The following ANO3 variants were observed in gnomAD, a reference collection of about 807,000 sequenced individuals.
ANO3 encodes anoctamin-3.
ANO3 carries 99 observed loss-of-function variants against 144.8 expected under a neutral mutation model. That is an observed-to-expected ratio of 0.68 (90% CI 0.58 to 0.81). The LOEUF (loss-of-function observed/expected upper bound fraction) is 0.81, where lower values mean the gene tolerates loss of function less well. Ranked by LOEUF, ANO3 falls within the 30% of genes least tolerant of loss-of-function variation. The pLI, the probability that ANO3 is intolerant of heterozygous loss-of-function variation, is 0.00. For synonymous variants in ANO3, 414 were observed against 392.6 expected (o/e 1.05, Z -0.64); for missense variants, 905 against 1,202.2 (o/e 0.75, Z 3.66).
intron 14 of ANO3, chr11:26,563,193 A>G (rs755230696): frequency 6.2e-7 from 1 of 1,612,636 alleles, no homozygotes; most frequent in Non-Finnish European, 8.5e-7. Context: ...CAAGTAGCCC[A>G]CAAGAGTAAG....
At chr11:26,302,757 T>G (rs1854266024) in intron 1 of ANO3, among the ~76,000 whole-genome samples, 1 of 152,196 alleles carries the variant, frequency 6.6e-6, no homozygotes, top group Admixed American at 6.5e-5. Context: ...ATTTTCAGCT[T>G]TTGTATGGAC....
intron 1 of ANO3, among the ~76,000 whole-genome samples, chr11:26,286,882 C>A (rs1853820110): frequency 6.6e-6 from 1 of 152,176 alleles, no homozygotes; most frequent in South Asian, 2.1e-4. Flanking sequence ...AGCTTTGCAC[C>A]AGAACCTTCT....
At chr11:26,457,245 A>G (rs952479274) in intron 3 of ANO3, among the ~76,000 whole-genome samples, 1 of 20,426 alleles carries the variant, frequency 4.9e-5, no homozygotes, top group Non-Finnish European at 1.6e-4. Context: ...AAATAAAAAA[A>G]AAACCTGCAC....
chr11:26,590,152 A>C (rs1414838073), intron 14 of ANO3, among the ~76,000 whole-genome samples: 2 of 152,194 alleles, frequency 1.3e-5, no homozygotes, highest in Non-Finnish European at 2.9e-5. Context: ...CAAACAAACA[A>C]ACCCAGATGT....
At chr11:26,469,675 T>A (rs970714109) in intron 4 of ANO3, among the ~76,000 whole-genome samples, 4 of 151,938 alleles carry the variant, frequency 2.6e-5, no homozygotes, top group Non-Finnish European at 5.9e-5. Context: ...AATATATCAG[T>A]GTCAAAATTC....
At chr11:26,406,538 T>C (rs1857281445) in intron 1 of ANO3, among the ~76,000 whole-genome samples, 1 of 151,844 alleles carries the variant, frequency 6.6e-6, no homozygotes, top group Non-Finnish European at 1.5e-5. Context: ...TTAGAAAGTT[T>C]GCAGTTCATA....
intron 14 of ANO3, chr11:26,563,255 A>G (rs762393522): frequency 6.3e-7 from 1 of 1,597,926 alleles, no homozygotes; most frequent in Non-Finnish European, 8.5e-7. Context: ...CTATTCCTGT[A>G]TTTCTATTTT....
chr11:26,438,007 A>G (rs1858354764), intron 1 of ANO3, among the ~76,000 whole-genome samples: 3 of 152,020 alleles, frequency 2.0e-5, no homozygotes, highest in South Asian at 2.1e-4. Flanking sequence ...AAAATTATAT[A>G]AACTTTGAAA....
intron 1 of ANO3, among the ~76,000 whole-genome samples, chr11:26,295,996 G>A (rs757455977): frequency 6.6e-6 from 1 of 152,188 alleles, no homozygotes; most frequent in African/African-American, 2.4e-5. Flanking sequence ...ACTGAAGAGG[G>A]GAATGGTTGC....
chr11:26,556,829 C>T (rs1850095289), intron 13 of ANO3, among the ~76,000 whole-genome samples: 1 of 152,096 alleles, frequency 6.6e-6, no homozygotes, highest in African/African-American at 2.4e-5. Context: ...AATAGCTCTG[C>T]ATACATGGTT....
In ANO3 at chr11:26,478,033, G is replaced by A. The variant is rs74918421; in HGVS notation, c.432+14885G>A. Among the ~76,000 whole-genome samples, 1,340 of 152,258 alleles carry A rather than the reference G, an allele frequency of 8.8e-3. 18 individuals carry two copies. Among genetic ancestry groups the A allele is most frequent in the African/African-American group, 0.03 (1,253 of 41,558 alleles). The stretch of plus-strand genomic sequence containing the variant: ...CTGAATACTGTTTAGCTATTTAAAA[G>A]TGCAGTGAAACAAGGCCAATCTGCA... On this transcript the variant is annotated intron_variant, in intron 4 of 26. Coordinates refer to ENST00000256737, the MANE Select transcript of ANO3 (RefSeq NM_031418.4).
chr11:26,614,523 A>G (rs577340036), intron 17 of ANO3, among the ~76,000 whole-genome samples: 1 of 152,304 alleles, frequency 6.6e-6, no homozygotes, highest in East Asian at 1.9e-4. Context: ...AAAATAGTAT[A>G]GAGCCATAGC....
chr11:26,265,217 AT>A (rs1213055099), intron 1 of ANO3, among the ~76,000 whole-genome samples: 2 of 152,184 alleles, frequency 1.3e-5, no homozygotes, highest in Admixed American at 1.3e-4. Flanking sequence ...TGTACAAAAC[AT>A]TTCAACTTAC....
intron 1 of ANO3, among the ~76,000 whole-genome samples, chr11:26,397,776 A>G (rs1378423086): frequency 6.6e-6 from 1 of 152,072 alleles, no homozygotes; most frequent in Non-Finnish European, 1.5e-5. Context: ...CTGCAGTGGT[A>G]TAGAACACAA....
chr11:26,322,618 C>T (rs536442404), intron 1 of ANO3, among the ~76,000 whole-genome samples: 2 of 152,116 alleles, frequency 1.3e-5, no homozygotes, highest in East Asian at 1.9e-4. Flanking sequence ...AAGGAATTAT[C>T]AGTTTTGGGG....
chr11:26,622,445 A>AAG (rs1396563215), intron 17 of ANO3, among the ~76,000 whole-genome samples: 10 of 151,032 alleles, frequency 6.6e-5, no homozygotes, highest in South Asian at 2.1e-4. Context: ...AAAAAAAAAG[A>AAG]AAAGAAAATG....
chr11:26,448,773 G>T (rs1180185927), intron 3 of ANO3, among the ~76,000 whole-genome samples: 1 of 152,032 alleles, frequency 6.6e-6, no homozygotes, highest in Non-Finnish European at 1.5e-5. Flanking sequence ...CTTGTCAATT[G>T]TTTATTGAAC....
chr11:26,542,959 C>T (rs565425123), intron 11 of ANO3, among the ~76,000 whole-genome samples: 260 of 151,996 alleles, frequency 1.7e-3, no homozygotes, highest in African/African-American at 5.9e-3. Context: ...CAGTGTAAAA[C>T]GGATGGACAC....
intron 17 of ANO3, among the ~76,000 whole-genome samples, chr11:26,623,095 G>C (rs1290963909): frequency 1.3e-5 from 2 of 152,164 alleles, no homozygotes; most frequent in East Asian, 3.9e-4. Flanking sequence ...GAAAATTATA[G>C]TTTGTGTATA....
Sources: gnomAD v4.1 joint callset for allele counts (sites outside exome capture counted in the v4.1 genomes callset) on GRCh38, gnomAD v4.1.1 for gene constraint, MANE v1.5 for transcripts, NCBI Gene and HGNC (gene_info 2026-07-23, HGNC 2026-07-21) for gene names.